The following RARB variants were observed in gnomAD, a reference collection of about 807,000 sequenced individuals.
RARB encodes the protein retinoic acid receptor beta.
Under a neutral mutation model 51.9 loss-of-function variants are expected in RARB, and 17 were observed. The ratio of observed to expected loss-of-function variants is 0.33; its 90% confidence interval spans 0.22 to 0.49. RARB has a LOEUF of 0.49. Ranked by LOEUF, RARB falls within the 20% of genes least tolerant of loss-of-function variation. The pLI is 0.99. For missense variants in RARB, 369 were observed against 550.8 expected (o/e 0.67, Z 3.30); for synonymous variants, 215 against 195.4 (o/e 1.10, Z -0.84).
At chr3:24,902,753 T>C (rs1265894976) in intron 2 of RARB, among the ~76,000 whole-genome samples, 1 of 152,216 alleles carries the variant, frequency 6.6e-6, no homozygotes, top group Non-Finnish European at 1.5e-5. Flanking sequence ...TGTTTCATTT[T>C]ACCTTTCTTG....
intron 3 of RARB, among the ~76,000 whole-genome samples, chr3:25,567,316 C>A (rs540149981): frequency 2.4e-4 from 36 of 152,316 alleles, no homozygotes; most frequent in African/African-American, 8.2e-4. Flanking sequence ...TCCCCACCAA[C>A]TTGCCCCCGT....
intron 2 of RARB, among the ~76,000 whole-genome samples, chr3:24,988,532 C>T (rs1471158455): frequency 6.6e-6 from 1 of 152,074 alleles, no homozygotes; most frequent in Non-Finnish European, 1.5e-5. Flanking sequence ...GTAAACATAA[C>T]CCTAAAGTTG....
chr3:24,890,854 AAAAT>A (rs1274415035), intron 2 of RARB, among the ~76,000 whole-genome samples: 1 of 152,124 alleles, frequency 6.6e-6, no homozygotes, highest in East Asian at 1.9e-4. Context: ...GTAATAAAAA[AAAAT>A]GCGGTTTGAG....
chr3:25,223,423 C>T (rs1268448738), intron 5 of RARB, among the ~76,000 whole-genome samples: 1 of 152,136 alleles, frequency 6.6e-6, no homozygotes, highest in Non-Finnish European at 1.5e-5. Flanking sequence ...AATTTGATAA[C>T]AAGCATAAAG....
intron 3 of RARB, among the ~76,000 whole-genome samples, chr3:25,525,119 A>G (rs2125636445): frequency 6.6e-6 from 1 of 152,336 alleles, no homozygotes; most frequent in South Asian, 2.1e-4. Flanking sequence ...TGTACCTCAT[A>G]ACATTATAAA....
chr3:25,262,180 TC>T (rs1376788133), intron 5 of RARB, among the ~76,000 whole-genome samples: 1 of 152,136 alleles, frequency 6.6e-6, no homozygotes, highest in Non-Finnish European at 1.5e-5. Flanking sequence ...CTGGACCAGA[TC>T]AATGGAACTT....
intron 2 of RARB, among the ~76,000 whole-genome samples, chr3:24,902,744 G>A (rs1030894014): frequency 1.6e-4 from 25 of 151,954 alleles, no homozygotes; most frequent in African/African-American, 6.0e-4. Flanking sequence ...GAAAAAAAAT[G>A]TTTCATTTTA....
intron 5 of RARB, among the ~76,000 whole-genome samples, chr3:25,363,282 A>G (rs76917500): frequency 0.13 from 19,973 of 152,072 alleles, 1,477 homozygotes; most frequent in South Asian, 0.22. Flanking sequence ...ATGGCTCTCC[A>G]TGATATCTAT....
chr3:25,485,815 G>A (rs771846228), intron 2 of RARB, among the ~76,000 whole-genome samples: 2 of 152,160 alleles, frequency 1.3e-5, no homozygotes, highest in Non-Finnish European at 2.9e-5. Flanking sequence ...GAGCATTCCT[G>A]GCTGCTGCTC....
intron 2 of RARB, among the ~76,000 whole-genome samples, chr3:24,863,212 G>T (rs577259757): frequency 2.0e-5 from 3 of 152,142 alleles, no homozygotes; most frequent in African/African-American, 7.2e-5. Flanking sequence ...GAAAAGATCC[G>T]TACTAACAGA....
intron 2 of RARB, among the ~76,000 whole-genome samples, chr3:24,976,090 G>A (rs1370467929): frequency 6.6e-6 from 1 of 152,108 alleles, no homozygotes; most frequent in Non-Finnish European, 1.5e-5. Context: ...CCCTGCAAAG[G>A]ACATGAACTC....
chr3:25,474,511 C>T (rs1333760590), intron 2 of RARB, among the ~76,000 whole-genome samples: 2 of 151,844 alleles, frequency 1.3e-5, no homozygotes, highest in Non-Finnish European at 2.9e-5. Flanking sequence ...TTAGGTGTTC[C>T]TTCAGCTGGC....
chr3:24,838,077 T>G (rs1488089407), intron 1 of RARB, among the ~76,000 whole-genome samples: 3 of 152,184 alleles, frequency 2.0e-5, no homozygotes, highest in Non-Finnish European at 4.4e-5. Flanking sequence ...TCCATGTGGT[T>G]CTAAGACTAA....
intron 5 of RARB, among the ~76,000 whole-genome samples, chr3:25,305,773 A>AT (rs1461789399): frequency 6.6e-6 from 1 of 152,160 alleles, no homozygotes; most frequent in East Asian, 1.9e-4. Context: ...AAAGGGCAAA[A>AT]TGTCACACAG....
intron 5 of RARB, among the ~76,000 whole-genome samples, chr3:25,398,234 C>A (rs1053454527): frequency 1.3e-5 from 2 of 152,098 alleles, no homozygotes; most frequent in Non-Finnish European, 2.9e-5. Flanking sequence ...GAGACAGGCT[C>A]CTGAACTCTA....
intron 1 of RARB, among the ~76,000 whole-genome samples, chr3:25,459,383 C>T (rs984478670): frequency 2.0e-5 from 3 of 152,166 alleles, no homozygotes; most frequent in Non-Finnish European, 4.4e-5. Context: ...TTAGGGGACT[C>T]ACTGAAGGAA....
rs114304038 is a variant in RARB, at chr3:24,988,588, T to C, written c.-379-71537T>C. 7.7e-3 allele frequency among the ~76,000 whole-genome samples: 1,166 copies of C among 152,186 alleles called. 16 individuals are homozygous for C. Among genetic ancestry groups the C allele is most frequent in the African/African-American group, 0.027 (1,108 of 41,532 alleles). ...TGTGTTTTATAAGGTAAAGTATAGA[T>C]TATAAAAAAAATAGTTTTGGTTCTT... On this transcript the variant is annotated intron_variant, in intron 2 of 11. Transcript: ENST00000383772.
intron 3 of RARB, among the ~76,000 whole-genome samples, chr3:25,127,490 C>A (rs964272745): frequency 2.0e-5 from 3 of 152,180 alleles, no homozygotes; most frequent in South Asian, 4.1e-4. Context: ...TTTCATCTAT[C>A]GGCTTTGTTT....
chr3:25,576,282 G>C (rs1329567196), intron 4 of RARB, among the ~76,000 whole-genome samples: 1 of 152,134 alleles, frequency 6.6e-6, no homozygotes, highest in Admixed American at 6.5e-5. Flanking sequence ...CGAAGAAGGT[G>C]GTGCCTAGCT....
Sources: gnomAD v4.1 joint callset for allele counts (sites outside exome capture counted in the v4.1 genomes callset) on GRCh38, gnomAD v4.1.1 for gene constraint, MANE v1.5 for transcripts, NCBI Gene and HGNC (gene_info 2026-07-23, HGNC 2026-07-21) for gene names.